EPHA6: variants seen among roughly 807,000 people sequenced by gnomAD.
EPHA6 encodes the protein EPH receptor A6.
EPHA6 carries 50 observed loss-of-function variants against 112.0 expected under a neutral mutation model. The ratio of observed to expected loss-of-function variants is 0.45; its 90% confidence interval spans 0.36 to 0.56. The LOEUF (loss-of-function observed/expected upper bound fraction) is 0.56. Ranked by LOEUF, EPHA6 falls within the 20% of genes least tolerant of loss-of-function variation. EPHA6 has a pLI of 0.00. For missense variants in EPHA6, 1,280 were observed against 1,417.4 expected, an observed-to-expected ratio of 0.90 and a Z score of 1.56; for synonymous variants, 529 against 490.7, an observed-to-expected ratio of 1.08 and a Z score of -1.03.
chr3:96,981,843 GA>G (rs1253605211), intron 2 of EPHA6, among the ~76,000 whole-genome samples: 1 of 152,154 alleles, frequency 6.6e-6, no homozygotes, highest in Non-Finnish European at 1.5e-5. Context: ...TATTTGCATA[GA>G]GGTGTTTATA....
chr3:97,257,821 G>C (rs191132906), intron 5 of EPHA6, among the ~76,000 whole-genome samples: 9 of 152,132 alleles, frequency 5.9e-5, no homozygotes, highest in African/African-American at 2.2e-4. Flanking sequence ...GGAATGACAA[G>C]TCTAGTGAAT....
At chr3:97,509,320 G>T (rs1343058495) in intron 10 of EPHA6, among the ~76,000 whole-genome samples, 3 of 151,970 alleles carry the variant, frequency 2.0e-5, no homozygotes, top group Non-Finnish European at 4.4e-5. Context: ...GCAGTGGCCG[G>T]TACCGGTTGT....
At chr3:97,552,968 C>T (rs2093049984) in intron 11 of EPHA6, among the ~76,000 whole-genome samples, 1 of 152,112 alleles carries the variant, frequency 6.6e-6, no homozygotes. Flanking sequence ...TTAATGTCTA[C>T]TTTGTGATTC....
chr3:97,548,810 A>G (rs2092992372), intron 11 of EPHA6, among the ~76,000 whole-genome samples: 1 of 152,232 alleles, frequency 6.6e-6, no homozygotes, highest in Non-Finnish European at 1.5e-5. Context: ...TAAAACTTGT[A>G]TAAACAATCA....
intron 14 of EPHA6, among the ~76,000 whole-genome samples, chr3:97,653,797 G>A (rs1392912091): frequency 2.6e-5 from 4 of 151,788 alleles, no homozygotes; most frequent in Non-Finnish European, 5.9e-5. Context: ...TGTGGTGTGC[G>A]AATTATCATT....
At chr3:97,574,247 C>G (rs1391181305) in intron 11 of EPHA6, among the ~76,000 whole-genome samples, 1 of 152,110 alleles carries the variant, frequency 6.6e-6, no homozygotes, top group Non-Finnish European at 1.5e-5. Flanking sequence ...AGTCAGCAAA[C>G]ATATATTGAG....
intron 6 of EPHA6, among the ~76,000 whole-genome samples, chr3:97,432,871 A>G (rs2089600656): frequency 6.6e-6 from 1 of 152,114 alleles, no homozygotes; most frequent in Non-Finnish European, 1.5e-5. Flanking sequence ...CCATGACCCA[A>G]TCACCTCCCA....
At chr3:97,387,091 C>T (rs575019917) in intron 5 of EPHA6, among the ~76,000 whole-genome samples, 5 of 152,342 alleles carry the variant, frequency 3.3e-5, no homozygotes, top group Admixed American at 2.6e-4. Context: ...CCCTCCTAGG[C>T]CTCCAGGCCT....
intron 2 of EPHA6, among the ~76,000 whole-genome samples, chr3:96,894,215 GA>G (rs1161369391): frequency 1.3e-5 from 2 of 152,112 alleles, no homozygotes; most frequent in South Asian, 2.1e-4. Context: ...TGTGTTACAA[GA>G]ACAATAAGAA....
At chr3:97,630,431 C>T (rs2093893146) in intron 13 of EPHA6, among the ~76,000 whole-genome samples, 1 of 151,894 alleles carries the variant, frequency 6.6e-6, no homozygotes, top group Admixed American at 6.6e-5. Context: ...TAAATAATCC[C>T]AAACATTTCT....
At chr3:97,601,082 A>G (rs1031435865) in intron 12 of EPHA6, among the ~76,000 whole-genome samples, 1 of 152,144 alleles carries the variant, frequency 6.6e-6, no homozygotes, top group Non-Finnish European at 1.5e-5. Flanking sequence ...TATGATATAT[A>G]TATGGCTATT....
At chr3:97,474,897 A>G (rs2091325744) in intron 7 of EPHA6, among the ~76,000 whole-genome samples, 1 of 152,084 alleles carries the variant, frequency 6.6e-6, no homozygotes, top group Non-Finnish European at 1.5e-5. Flanking sequence ...TATGAAGTAT[A>G]AAGAACATCA....
intron 11 of EPHA6, among the ~76,000 whole-genome samples, chr3:97,555,895 G>T (rs1484904922): frequency 1.3e-5 from 2 of 151,980 alleles, no homozygotes; most frequent in African/African-American, 4.8e-5. Context: ...CACTCTGATG[G>T]TAGTTTCTTT....
intron 3 of EPHA6, among the ~76,000 whole-genome samples, chr3:97,002,650 TTGAGTG>T (rs2043708854): frequency 1.3e-5 from 2 of 151,986 alleles, no homozygotes; most frequent in South Asian, 4.1e-4. Context: ...TAAATATGTT[TTGAGTG>T]ACATAAAGAA....
intron 3 of EPHA6, among the ~76,000 whole-genome samples, chr3:97,125,708 A>C (rs149862143): frequency 1.2e-4 from 19 of 152,350 alleles, no homozygotes; most frequent in African/African-American, 4.6e-4. Context: ...AAATGATTTA[A>C]ATAAAATAAA....
At chr3:97,390,799 G>A (rs2086355224) in intron 5 of EPHA6, among the ~76,000 whole-genome samples, 3 of 151,962 alleles carry the variant, frequency 2.0e-5, no homozygotes, top group Admixed American at 6.6e-5. Flanking sequence ...TGGGATGGAG[G>A]CCCTACAAGG....
At chr3:97,242,182 C>A (rs1328389059) in intron 4 of EPHA6, among the ~76,000 whole-genome samples, 3 of 151,694 alleles carry the variant, frequency 2.0e-5, no homozygotes, top group African/African-American at 7.3e-5. Context: ...GAGGTCCCTT[C>A]CTGTTGTACA....
rs1211913909 is a variant in EPHA6, at chr3:97,215,149, C to A, written c.1115-11115C>A. ...ATTTAATCAAACAATGAGAACCACACAGCATGATATGCTAGCTAGGATTTC... is the reference window on the plus strand; with the variant it reads ...ATTTAATCAAACAATGAGAACCACAAAGCATGATATGCTAGCTAGGATTTC... On this transcript the variant is annotated intron_variant, in intron 3 of 17. Transcript: ENST00000389672. 2.6e-5 allele frequency among the ~76,000 whole-genome samples: 4 copies of A among 152,192 alleles called. No individual in the cohort carries two copies. In the East Asian group the frequency reaches 7.7e-4, roughly 29 times the overall value.
intron 5 of EPHA6, among the ~76,000 whole-genome samples, chr3:97,275,512 G>A (rs1298422164): frequency 6.6e-6 from 1 of 152,110 alleles, no homozygotes; most frequent in Non-Finnish European, 1.5e-5. Flanking sequence ...TTGAGGATAG[G>A]AGAGTATATG....
Sources: allele counts gnomAD v4.1 joint callset (sites outside exome capture counted in the v4.1 genomes callset), GRCh38; gene constraint gnomAD v4.1.1; transcripts MANE v1.5; gene names NCBI Gene and HGNC (gene_info 2026-07-23, HGNC 2026-07-21).